ELF1: variants seen among roughly 807,000 people sequenced by gnomAD.
The protein encoded by ELF1 is ETS-related transcription factor Elf-1.
A neutral mutation model predicts 59.9 loss-of-function variants in ELF1; 24 were observed. The ratio of observed to expected loss-of-function variants is 0.40; its 90% CI spans 0.29 to 0.56. The LOEUF (loss-of-function observed/expected upper bound fraction) is 0.56. Among genes scored for constraint, ELF1 ranks in the 20% least tolerant of loss-of-function variants. The probability of loss-of-function intolerance (pLI) is 0.44; values close to 1 mark genes in which losing one functional copy is unlikely to be tolerated. For synonymous variants in ELF1, 248 were observed against 266.2 expected (o/e 0.93, Z 0.67); for missense variants, 627 against 742.2 (o/e 0.84, Z 1.80).
At chr13:41,043,517 C>A (rs1876711309) in intron 1 of ELF1, among the ~76,000 whole-genome samples, 1 of 152,176 alleles carries the variant, frequency 6.6e-6, no homozygotes, top group Non-Finnish European at 1.5e-5. Context: ...CAGCTTTCTA[C>A]ATATGTCTAG....
At chr13:40,954,072 T>C (rs1871038644) in intron 3 of ELF1, among the ~76,000 whole-genome samples, 1 of 152,150 alleles carries the variant, frequency 6.6e-6, no homozygotes, top group Non-Finnish European at 1.5e-5. Context: ...CATAGTGGTG[T>C]TTATTCTGTT....
upstream of ELF1, among the ~76,000 whole-genome samples, chr13:41,021,507 GA>G (rs374439469): frequency 6.0e-5 from 9 of 150,100 alleles, no homozygotes; most frequent in South Asian, 1.0e-3. Context: ...GGATCAAAGA[GA>G]AAAAAAAAGG....
intron 3 of ELF1, among the ~76,000 whole-genome samples, chr13:40,957,528 A>G (rs974601996): frequency 6.6e-6 from 1 of 151,676 alleles, no homozygotes; most frequent in Non-Finnish European, 1.5e-5. Context: ...AAAAAGAAAA[A>G]AAAGAAAGTG....
intron 1 of ELF1, among the ~76,000 whole-genome samples, chr13:41,043,440 C>T (rs1416443917): frequency 1.3e-5 from 2 of 152,120 alleles, no homozygotes; most frequent in African/African-American, 4.8e-5. Context: ...GGTTTTAGGT[C>T]TAACATTTAA....
chr13:41,008,064 A>G (rs561111011), intron 1 of ELF1, among the ~76,000 whole-genome samples: 1 of 152,330 alleles, frequency 6.6e-6, no homozygotes, highest in African/African-American at 2.4e-5. Context: ...ATGTCTTTGA[A>G]GAAGAGTAAA....
Position 40,940,935 on chromosome 13 carries a change from G to A in ELF1, c.1242C>T (p.Ser414=), listed in dbSNP as rs1414927549. 16 of 1,612,474 alleles carry A rather than the reference G, an allele frequency of 9.9e-6. No homozygotes were observed. The highest frequency in any genetic ancestry group is 2.2e-5 in the East Asian group (1 of 44,850). Residue 414 remains serine, a synonymous_variant, in exon 8 of 9, where the codon TCC becomes TCT. Coordinates refer to ENST00000239882, the MANE Select transcript of ELF1 (RefSeq NM_172373.4). The part of the protein sequence containing the change: ...STMQDETLNS[S]VQSIRTIQAP... ...GGTTTTCTCACCTAATACTCTGAAC[G>A]GAAGAATTTAATGTTTCATCCTGCA...
In ELF1 at chr13:41,031,775, T is replaced by G. The variant is rs573276021; in HGVS notation, c.-229+29063A>C. Among the ~76,000 whole-genome samples, 924 of 136,114 alleles carry G rather than the reference T, an allele frequency of 6.8e-3. 1 individual carries two copies. The highest frequency in any genetic ancestry group is 0.011 in the Admixed American group (124 of 11,532). 89.3% of individuals were successfully genotyped at this position (136,114 alleles called of 152,430 possible). A position where few individuals can be genotyped will look rare whatever the true frequency, so the allele number is the denominator to read the frequency against. Reference sequence around the variant, plus strand: ...CAGAGGTTGCTGTGAGCCAAGATCGTGCCACTGCACTCCAGCCTGGGCAAC... The same window carrying G: ...CAGAGGTTGCTGTGAGCCAAGATCGGGCCACTGCACTCCAGCCTGGGCAAC... On this transcript the variant is annotated intron_variant, in intron 1 of 1. Coordinates refer to the ELF1 transcript ENST00000405737.
At chr13:41,059,640 A>T (rs995239303) in intron 1 of ELF1, among the ~76,000 whole-genome samples, 6 of 152,172 alleles carry the variant, frequency 3.9e-5, no homozygotes, top group Non-Finnish European at 8.8e-5. Flanking sequence ...CCCAATAAAC[A>T]TTATAGCCGA....
At chr13:40,994,968 G>T (rs1874056058) in intron 1 of ELF1, among the ~76,000 whole-genome samples, 1 of 152,104 alleles carries the variant, frequency 6.6e-6, no homozygotes, top group Non-Finnish European at 1.5e-5. Flanking sequence ...AAAAGCCAGG[G>T]ATATGTTGTT....
chr13:41,047,104 C>T (rs1045058354), intron 1 of ELF1, among the ~76,000 whole-genome samples: 4 of 152,220 alleles, frequency 2.6e-5, no homozygotes, highest in Admixed American at 2.0e-4. Flanking sequence ...TCACGTAGTT[C>T]TCCTGCCATG....
chr13:40,991,162 A>G (rs2138302237), intron 1 of ELF1, among the ~76,000 whole-genome samples: 1 of 152,342 alleles, frequency 6.6e-6, no homozygotes, highest in East Asian at 1.9e-4. Context: ...AAAACAAGGA[A>G]GCTTTCAGAA....
At chr13:41,034,171 GT>G (rs1465658839) in intron 1 of ELF1, among the ~76,000 whole-genome samples, 1 of 152,112 alleles carries the variant, frequency 6.6e-6, no homozygotes, top group Non-Finnish European at 1.5e-5. Context: ...TACCTGACTG[GT>G]ACTCTTCCAA....
intron 2 of ELF1, among the ~76,000 whole-genome samples, chr13:40,969,182 A>C (rs777288912): frequency 1.3e-5 from 2 of 152,214 alleles, no homozygotes; most frequent in Non-Finnish European, 2.9e-5. Context: ...AAAATGTTAT[A>C]CATAAATGTA....
rs141183532 is a variant in ELF1, at chr13:41,025,702, C to G, written c.-229+35136G>C. ...GGTACTGTTCTAGCCCCTTGCTAGA[C>G]AGCAAACAAAAGAGACATACTGCTG... On this transcript the variant is annotated intron_variant, in intron 1 of 1. Coordinates refer to the ELF1 transcript ENST00000405737. Among the ~76,000 whole-genome samples, 526 of 152,312 alleles carry G rather than the reference C, an allele frequency of 3.5e-3. 2 individuals carry two copies. The highest frequency in any genetic ancestry group is 0.011 in the South Asian group (53 of 4,822).
chr13:40,996,082 T>C (rs560878087), intron 1 of ELF1, among the ~76,000 whole-genome samples: 1 of 152,188 alleles, frequency 6.6e-6, no homozygotes, highest in Non-Finnish European at 1.5e-5. Flanking sequence ...CCACACCATA[T>C]GTCACTGGGG....
chr13:40,992,952 A>T, intron 1 of ELF1: 1 of 829,310 alleles, frequency 1.2e-6, no homozygotes, highest in Non-Finnish European at 2.0e-6. Flanking sequence ...TTCTTTGATT[A>T]CTTTTTTGTT....
chr13:40,974,288 G>A (rs1464746452), intron 2 of ELF1, among the ~76,000 whole-genome samples: 1 of 151,868 alleles, frequency 6.6e-6, no homozygotes, highest in African/African-American at 2.4e-5. Flanking sequence ...ACACTTTTTT[G>A]CCAAAATCAT....
At chr13:41,014,193 G>A (rs1875231827) in intron 1 of ELF1, among the ~76,000 whole-genome samples, 1 of 152,158 alleles carries the variant, frequency 6.6e-6, no homozygotes, top group Non-Finnish European at 1.5e-5. Flanking sequence ...AGAAGGGGCA[G>A]AGGAGGCAGG....
chr13:40,985,070 T>C (rs1873485109), intron 1 of ELF1, among the ~76,000 whole-genome samples: 1 of 152,228 alleles, frequency 6.6e-6, no homozygotes, highest in Non-Finnish European at 1.5e-5. Context: ...TGCTCTGGCA[T>C]GTAGCTTTTG....
Sources: gnomAD v4.1 joint callset for allele counts (sites outside exome capture counted in the v4.1 genomes callset) on GRCh38, gnomAD v4.1.1 for gene constraint, MANE v1.5 for transcripts, NCBI Gene and HGNC (gene_info 2026-07-23, HGNC 2026-07-21) for gene names.